The following ENAH variants were observed in gnomAD, a reference collection of about 807,000 sequenced individuals.
The protein encoded by ENAH is ENAH actin regulator.
A neutral mutation model predicts 78.7 loss-of-function variants in ENAH; 23 were observed. The ratio of observed to expected loss-of-function variants is 0.29; its 90% CI spans 0.21 to 0.41. The LOEUF (loss-of-function observed/expected upper bound fraction) is 0.41, where lower values mean the gene tolerates loss of function less well. Ranked by LOEUF, ENAH falls within the 10% of genes least tolerant of loss-of-function variation. The pLI is 1.00. For synonymous variants in ENAH, 226 were observed against 241.0 expected, an observed-to-expected ratio of 0.94 and a Z score of 0.58; for missense variants, 544 against 691.0, an observed-to-expected ratio of 0.79 and a Z score of 2.39.
chr1:225,583,333 G>A (rs139582460), intron 1 of ENAH, among the ~76,000 whole-genome samples: 6,566 of 151,240 alleles, frequency 0.043, 233 homozygotes, highest in South Asian at 0.12. Context: ...CTACTCAGGA[G>A]GCTGAGGTGG....
chr1:225,626,316 A>G (rs748204023), intron 1 of ENAH, among the ~76,000 whole-genome samples: 1 of 152,244 alleles, frequency 6.6e-6, no homozygotes, highest in Non-Finnish European at 1.5e-5. Context: ...CAAACTGGGT[A>G]TCGTTCTACT....
Position 225,491,762 on chromosome 1 carries a change from CA to C in ENAH, c.*6012del, listed in dbSNP as rs2096223416. On this transcript the variant is annotated 3_prime_UTR_variant, in exon 14 of 14. Coordinates refer to ENST00000366843, the MANE Select transcript of ENAH (RefSeq NM_018212.6). ...TCTGAGTGCTTTTTCCTATGGAATT[CA>C]AAGTACCAACTATTCAATTCTCGAT... 6.6e-6 allele frequency: 1 copy of C among 152,166 alleles called. No homozygotes were observed. The highest frequency in any genetic ancestry group is 2.1e-4 in the South Asian group (1 of 4,828). The allele number at this position is 152,166 out of a possible 1,614,324, so 9.4% of individuals were successfully genotyped here.
intron 1 of ENAH, among the ~76,000 whole-genome samples, chr1:225,608,868 C>T (rs180909898): frequency 8.3e-6 from 1 of 120,666 alleles, no homozygotes; most frequent in African/African-American, 3.4e-5. Context: ...ATCAAAATGA[C>T]ATCAGACTTT....
At chr1:225,520,044 A>G (rs1158473559) in intron 4 of ENAH, among the ~76,000 whole-genome samples, 1 of 152,230 alleles carries the variant, frequency 6.6e-6, no homozygotes, top group Non-Finnish European at 1.5e-5. Context: ...CTGTAATCCC[A>G]GCACTTTGGG....
At chr1:225,589,857 A>T (rs2096866856) in intron 1 of ENAH, among the ~76,000 whole-genome samples, 1 of 152,168 alleles carries the variant, frequency 6.6e-6, no homozygotes, top group South Asian at 2.1e-4. Flanking sequence ...AAAATGTTGA[A>T]GGGAAAATTA....
At chr1:225,505,898 G>A (rs933166145) in intron 11 of ENAH, among the ~76,000 whole-genome samples, 1 of 151,948 alleles carries the variant, frequency 6.6e-6, no homozygotes, top group Non-Finnish European at 1.5e-5. Context: ...TGCACTACTG[G>A]ATATTAAGAA....
At chr1:225,653,206 C>A (rs1001004824), upstream of ENAH, 1 of 143,586 alleles carries the variant, frequency 7.0e-6, no homozygotes, top group Non-Finnish European at 1.5e-5. This position sits in a 1 kb window ranked among gnomAD's most constrained non-coding sequence, Gnocchi z 4.3. Flanking sequence ...CTCCTTCCCC[C>A]GGGGGCGAGG....
At chr1:225,519,817 T>C (rs1198266465) in intron 4 of ENAH, among the ~76,000 whole-genome samples, 1 of 152,224 alleles carries the variant, frequency 6.6e-6, no homozygotes, top group Non-Finnish European at 1.5e-5. Context: ...TATTCTGTAC[T>C]TTTCATGAGT....
chr1:225,605,776 C>G (rs2096952662), intron 1 of ENAH, among the ~76,000 whole-genome samples: 1 of 152,130 alleles, frequency 6.6e-6, no homozygotes, highest in African/African-American at 2.4e-5. Context: ...GAATGGTGCC[C>G]TTATAAGAAG....
intron 1 of ENAH, among the ~76,000 whole-genome samples, chr1:225,575,540 G>A (rs905093868): frequency 2.0e-5 from 3 of 152,094 alleles, no homozygotes; most frequent in African/African-American, 7.2e-5. Context: ...TACCATCCTA[G>A]TGCTGGGAGC....
rs951829942 is a variant in ENAH at position 225,498,505 on chromosome 1, GTTTT to G, written c.1618-105_1618-102del. On this transcript the variant is annotated intron_variant, in intron 12 of 13. Transcript: ENST00000366843. ...AGAATGTCATGAAATATGATGTGTA[GTTTT>G]TTTTGTTTCCAGAGCCACAATTCTA... 5.7e-6 allele frequency: 4 copies of G among 702,322 alleles called. No homozygotes were observed. The African/African-American group carries it at 7.6e-5, about 13-fold the overall frequency. The allele number at this position is 702,322 out of a possible 1,614,324, so 43.5% of individuals were successfully genotyped here.
At chr1:225,574,966 TAATA>T (rs1397203019) in intron 1 of ENAH, among the ~76,000 whole-genome samples, 1 of 150,294 alleles carries the variant, frequency 6.7e-6, no homozygotes, top group Non-Finnish European at 1.5e-5. Context: ...CAGATACGAA[TAATA>T]AACATATTTT....
intron 1 of ENAH, chr1:225,652,259 A>T: frequency 1.1e-6 from 1 of 876,834 alleles, no homozygotes; most frequent in Non-Finnish European, 1.4e-6. Context: ...TTTTTTAATT[A>T]AACACGAGAG....
chr1:225,629,727 T>G, intron 1 of ENAH, among the ~76,000 whole-genome samples: 1 of 152,180 alleles, frequency 6.6e-6, no homozygotes, highest in East Asian at 1.9e-4. Flanking sequence ...ATTCATCAAT[T>G]GGAAGTTAAT....
At chr1:225,505,086 C>T (rs1458766772) in intron 11 of ENAH, 7 of 1,480,804 alleles carry the variant, frequency 4.7e-6, no homozygotes, top group Admixed American at 3.5e-5. Flanking sequence ...AAGGGATACA[C>T]AATAGAACTT....
chr1:225,546,017 A>G (rs545062664), intron 3 of ENAH, among the ~76,000 whole-genome samples: 3 of 148,982 alleles, frequency 2.0e-5, no homozygotes, highest in Non-Finnish European at 4.4e-5. Context: ...TCAAACTCCC[A>G]GGCTCAAGTG....
chr1:225,648,756 TCC>T (rs1491099159), intron 1 of ENAH, among the ~76,000 whole-genome samples: 2 of 135,898 alleles, frequency 1.5e-5, no homozygotes, highest in Non-Finnish European at 3.1e-5. Flanking sequence ...TAAGATTATC[TCC>T]TTTTTTTTTT....
intron 3 of ENAH, among the ~76,000 whole-genome samples, chr1:225,541,726 C>G (rs992652541): frequency 1.3e-5 from 2 of 152,106 alleles, no homozygotes; most frequent in African/African-American, 2.4e-5. Context: ...TTATTTTCTT[C>G]TTCATGCTTC....
chr1:225,519,184 T>G lies in ENAH; in HGVS notation c.802+14A>C, dbSNP rs1037132064. The G allele has an allele frequency of 6.2e-7, 1 of 1,611,246 alleles. No homozygotes were observed. The highest frequency in any genetic ancestry group is 1.3e-5 in the African/African-American group (1 of 74,832). ...TCAGATACAAGAACACAGAAGAGTT[T>G]GTAAACTTCTTACCAGCACTTGATA... On this transcript the variant is annotated intron_variant, in intron 5 of 13. Coordinates refer to ENST00000366843, the MANE Select transcript of ENAH (RefSeq NM_018212.6).
Sources: allele counts gnomAD v4.1 joint callset (sites outside exome capture counted in the v4.1 genomes callset), GRCh38; gene constraint gnomAD v4.1.1; non-coding constraint Gnocchi (gnomAD v3.1); transcripts MANE v1.5; gene names NCBI Gene and HGNC (gene_info 2026-07-23, HGNC 2026-07-21).